Variants in BMPER observed in about 807,000 individuals in gnomAD.
The protein encoded by BMPER is BMP binding endothelial regulator.
A neutral mutation model predicts 87.3 loss-of-function variants in BMPER; 45 were observed. That is an observed-to-expected ratio of 0.52 (90% CI 0.41 to 0.66). The LOEUF is 0.66. BMPER is among the 30% of genes least tolerant of loss of function. The probability of loss-of-function intolerance (pLI) is 0.00; values close to 1 mark genes in which losing one functional copy is unlikely to be tolerated. For missense variants in BMPER, 784 were observed against 867.5 expected (o/e 0.90, Z 1.21); for synonymous variants, 326 against 316.2 (o/e 1.03, Z -0.33).
intron 13 of BMPER, among the ~76,000 whole-genome samples, chr7:34,132,421 C>A (rs1790616453): frequency 6.6e-6 from 1 of 152,080 alleles, no homozygotes; most frequent in Non-Finnish European, 1.5e-5. Context: ...GGATCGAAGC[C>A]AGTTCTGCCC....
In BMPER at chr7:34,096,748, G is replaced by A. The variant is rs532198472; in HGVS notation, c.1745+10656G>A. The stretch of plus-strand genomic sequence containing the variant: ...TGGCAGTTTTATTAAGGAAGAAAGT[G>A]CTGAGAAAATTATACTAGTGTATCC... On this transcript the variant is annotated intron_variant, in intron 13 of 14. Transcript: ENST00000649409. 4.6e-5 allele frequency among the ~76,000 whole-genome samples: 7 copies of A among 152,184 alleles called. No homozygotes were observed. In the East Asian group the frequency reaches 5.8e-4, roughly 13 times the overall value.
In BMPER at chr7:33,979,973, A is replaced by G. The variant is rs140567152; in HGVS notation, c.576+5189A>G. Among the ~76,000 whole-genome samples, 140 of 152,356 alleles carry G rather than the reference A, an allele frequency of 9.2e-4. 4 individuals carry two copies. The East Asian group carries it at 0.019, about 21-fold the overall frequency. On this transcript the variant is annotated intron_variant, in intron 6 of 14. Coordinates refer to ENST00000649409, the MANE Select transcript of BMPER (RefSeq NM_001365308.1). ...ACAAATGCCTCACACATGATTGTAC[A>G]TCCTGGTTTCAGCTGGTCCATCTCT...
intron 8 of BMPER, among the ~76,000 whole-genome samples, chr7:34,052,638 C>A (rs1006057366): frequency 6.6e-6 from 1 of 152,158 alleles, no homozygotes; most frequent in African/African-American, 2.4e-5. Flanking sequence ...TGAATCACAT[C>A]TGTCTGACAA....
At chr7:34,030,932 G>T (rs1471140701) in intron 6 of BMPER, among the ~76,000 whole-genome samples, 1 of 151,970 alleles carries the variant, frequency 6.6e-6, no homozygotes, top group Non-Finnish European at 1.5e-5. Flanking sequence ...GGAAAGATTT[G>T]GCTAATCTGA....
At chr7:33,925,955 G>A (rs1784347973) in intron 2 of BMPER, among the ~76,000 whole-genome samples, 1 of 152,212 alleles carries the variant, frequency 6.6e-6, no homozygotes. Context: ...GTTTGTGGCA[G>A]TGGAATTTGG....
chr7:34,090,436 A>G (rs1789347952), intron 13 of BMPER, among the ~76,000 whole-genome samples: 2 of 152,070 alleles, frequency 1.3e-5, no homozygotes, highest in African/African-American at 4.8e-5. Flanking sequence ...CCAGATGCCA[A>G]CCGAGCAATC....
intron 6 of BMPER, among the ~76,000 whole-genome samples, chr7:33,982,138 G>C (rs1039517009): frequency 2.0e-5 from 3 of 152,224 alleles, no homozygotes; most frequent in African/African-American, 7.2e-5. Context: ...CATTTCTGTG[G>C]TCACGTGGTG....
chr7:33,940,428 C>A (rs772924356), intron 3 of BMPER, among the ~76,000 whole-genome samples: 2 of 152,078 alleles, frequency 1.3e-5, no homozygotes, highest in Non-Finnish European at 2.9e-5. Context: ...AAGAGCCTTG[C>A]GTAGTAAAGG....
intron 3 of BMPER, among the ~76,000 whole-genome samples, chr7:33,959,362 G>T (rs549263816): frequency 1.4e-4 from 22 of 152,066 alleles, no homozygotes; most frequent in African/African-American, 5.3e-4. Flanking sequence ...GTGGCTTTTA[G>T]TGACATTTTC....
rs1017308955 is a variant in BMPER at position 34,155,853 on chromosome 7, A to T, written c.*2580A>T. 1.3e-5 allele frequency: 2 copies of T among 152,180 alleles called. No homozygotes were observed. Among genetic ancestry groups the T allele is most frequent in the African/African-American group, 4.8e-5 (2 of 41,440 alleles). The allele number at this position is 152,180 out of a possible 1,614,324, so 9.4% of individuals were successfully genotyped here. ...TTGCAGAGTGAGATGACTTGAAATA[A>T]AAATGTTCTATGAATATTGAATTTG... On this transcript the variant is annotated 3_prime_UTR_variant, in exon 15 of 15. Transcript: ENST00000649409.
In BMPER at chr7:34,086,057, C is replaced by G; in HGVS notation, c.1710C>G (p.Thr570=). The G allele has an allele frequency of 6.2e-7, 1 of 1,613,920 alleles. No individual in the cohort carries two copies. The highest frequency in any genetic ancestry group is 1.1e-5 in the South Asian group (1 of 91,046). The change falls in exon 13 of 15, where the codon ACC becomes ACG. Residue 570 remains threonine, a synonymous_variant. Coordinates refer to ENST00000649409, the MANE Select transcript of BMPER (RefSeq NM_001365308.1). Reference sequence around the variant, plus strand: ...AGCTCAAATCCTGGGAGTTTCAGACCTGCCACTCGACTGTGGACTACGCCA... The same window carrying G: ...AGCTCAAATCCTGGGAGTTTCAGACGTGCCACTCGACTGTGGACTACGCCA... ...CQKLKSWEFQ[T]CHSTVDYATF...
intron 10 of BMPER, among the ~76,000 whole-genome samples, chr7:34,061,076 G>A (rs932498006): frequency 1.3e-5 from 2 of 152,106 alleles, no homozygotes; most frequent in African/African-American, 4.8e-5. Context: ...CTTAATAACA[G>A]TGATTATAAA....
intron 13 of BMPER, among the ~76,000 whole-genome samples, chr7:34,091,707 T>C (rs1789385579): frequency 1.3e-5 from 2 of 152,252 alleles, no homozygotes; most frequent in Admixed American, 6.5e-5. Context: ...TTTTTGGAAC[T>C]CTAAGCATGT....
At position 33,923,194 on chromosome 7, in the gene BMPER, G is replaced by T. The variant is rs555121685; in HGVS notation, c.220-14095G>T. On this transcript the variant is annotated intron_variant, in intron 2 of 14. Coordinates refer to ENST00000649409, the MANE Select transcript of BMPER (RefSeq NM_001365308.1). ...GAGACATTATAAGAGGCCTCTGACTGTGGACTCTGTTCTCTCCCAGGCTTT... is the reference window on the plus strand; with the variant it reads ...GAGACATTATAAGAGGCCTCTGACTTTGGACTCTGTTCTCTCCCAGGCTTT... Among the ~76,000 whole-genome samples the T allele has an allele frequency of 2.0e-5, 3 of 152,300 alleles. No homozygotes were observed. The South Asian group carries it at 6.2e-4, about 32-fold the overall frequency.
At chr7:34,006,077 T>C (rs1562684934) in intron 6 of BMPER, among the ~76,000 whole-genome samples, 1 of 152,014 alleles carries the variant, frequency 6.6e-6, no homozygotes, top group Admixed American at 6.6e-5. Flanking sequence ...CTCTAGATAT[T>C]ATAATATGTA....
intron 3 of BMPER, among the ~76,000 whole-genome samples, chr7:33,962,479 C>A (rs1044418290): frequency 6.6e-6 from 1 of 152,148 alleles, no homozygotes; most frequent in Non-Finnish European, 1.5e-5. Context: ...CTGGTTAATT[C>A]TTGGTGTGCA....
chr7:34,075,939 A>G (rs1788853113), intron 11 of BMPER, among the ~76,000 whole-genome samples: 1 of 152,200 alleles, frequency 6.6e-6, no homozygotes, highest in Non-Finnish European at 1.5e-5. Flanking sequence ...TTTCAAAATT[A>G]TTTTAGTTCA....
At chr7:33,991,576 T>C (rs1220637046) in intron 6 of BMPER, among the ~76,000 whole-genome samples, 2 of 152,208 alleles carry the variant, frequency 1.3e-5, no homozygotes, top group Non-Finnish European at 2.9e-5. Flanking sequence ...AGCTCCTGGA[T>C]TCATTAATTT....
chr7:33,991,018 C>T (rs1383885267), intron 6 of BMPER, among the ~76,000 whole-genome samples: 1 of 140,472 alleles, frequency 7.1e-6, no homozygotes, highest in Non-Finnish European at 1.6e-5. Context: ...TTCGGTTTGC[C>T]AGTATTTTAT....
Sources: gnomAD v4.1 joint callset for allele counts (sites outside exome capture counted in the v4.1 genomes callset) on GRCh38, gnomAD v4.1.1 for gene constraint, MANE v1.5 for transcripts, NCBI Gene and HGNC (gene_info 2026-07-23, HGNC 2026-07-21) for gene names.